DLG2: variants seen among roughly 807,000 people sequenced by gnomAD.
The protein encoded by DLG2 is disks large homolog 2.
A neutral mutation model predicts 132.5 loss-of-function variants in DLG2; 45 were observed. The ratio of observed to expected loss-of-function variants is 0.34; its 90% confidence interval spans 0.27 to 0.44. The LOEUF (loss-of-function observed/expected upper bound fraction) is 0.44, where lower values mean the gene tolerates loss of function less well. Among genes scored for constraint, DLG2 ranks in the 20% least tolerant of loss-of-function variants. DLG2 has a pLI of 1.00. For missense variants in DLG2, 1,045 were observed against 1,196.9 expected (o/e 0.87, Z 1.87); for synonymous variants, 424 against 419.6 (o/e 1.01, Z -0.13).
intron 14 of DLG2, among the ~76,000 whole-genome samples, chr11:83,952,811 A>C (rs906261160): frequency 6.6e-6 from 1 of 152,268 alleles, no homozygotes; most frequent in Middle Eastern, 3.4e-3. Context: ...TAGGAAAAAC[A>C]GTAATTTTAG....
intron 6 of DLG2, among the ~76,000 whole-genome samples, chr11:84,642,306 T>C (rs745479196): frequency 6.6e-6 from 1 of 151,844 alleles, no homozygotes; most frequent in Non-Finnish European, 1.5e-5. Context: ...ATACTTATAG[T>C]AAACTAAAGC....
At chr11:84,620,414 A>T (rs1005394298) in intron 6 of DLG2, among the ~76,000 whole-genome samples, 2 of 151,962 alleles carry the variant, frequency 1.3e-5, no homozygotes, top group African/African-American at 4.8e-5. Flanking sequence ...GTCAACTATA[A>T]AGAAAGAATA....
Position 83,724,476 on chromosome 11 carries a change from T to TGTGTGAGAGAGA in DLG2, c.1825+62213_1825+62214insTCTCTCTCACAC, listed in dbSNP as rs762050933. ...CTCTCTCCGTGTGTGTGTGTGTGTGTGAGAGAGAGAGAGAGAGAGAGAGAG... is the reference window on the plus strand; with the variant it reads ...CTCTCTCCGTGTGTGTGTGTGTGTGTGTGTGAGAGAGAGAGAGAGAGAGAGAGAGAGAGAGAG... On this transcript the variant is annotated intron_variant, in intron 18 of 27. Coordinates refer to ENST00000376104, the MANE Select transcript of DLG2 (RefSeq NM_001142699.3). Among the ~76,000 whole-genome samples, 297 of 118,188 alleles carry TGTGTGAGAGAGA rather than the reference T, an allele frequency of 2.5e-3. 2 individuals carry two copies. Among genetic ancestry groups the TGTGTGAGAGAGA allele is most frequent in the East Asian group, 7.3e-3 (27 of 3,704 alleles). The allele number at this position is 118,188 out of a possible 152,430, so 77.5% of individuals were successfully genotyped here. A position where few individuals can be genotyped will look rare whatever the true frequency, so the allele number is the denominator to read the frequency against.
intron 6 of DLG2, among the ~76,000 whole-genome samples, chr11:84,646,498 G>T (rs1270762419): frequency 6.6e-6 from 1 of 152,066 alleles, no homozygotes; most frequent in Non-Finnish European, 1.5e-5. Flanking sequence ...CAGGCAGGGG[G>T]CCAGCATAAC....
intron 6 of DLG2, among the ~76,000 whole-genome samples, chr11:84,873,602 T>C (rs2085848966): frequency 6.6e-6 from 1 of 152,214 alleles, no homozygotes; most frequent in Admixed American, 6.5e-5. Context: ...ATGCCAATTC[T>C]ACATGAGAGA....
chr11:83,776,316 T>A (rs1008304220), intron 18 of DLG2, among the ~76,000 whole-genome samples: 3 of 152,150 alleles, frequency 2.0e-5, no homozygotes, highest in African/African-American at 7.2e-5. Flanking sequence ...CACCCCTCTT[T>A]ATTTTTTATT....
At chr11:85,366,699 C>T (rs2084579882) in intron 3 of DLG2, among the ~76,000 whole-genome samples, 2 of 152,192 alleles carry the variant, frequency 1.3e-5, no homozygotes, top group East Asian at 3.9e-4. Context: ...AGGGAATTTG[C>T]TGGATAAGAG....
intron 11 of DLG2, among the ~76,000 whole-genome samples, chr11:84,049,813 T>C (rs960073607): frequency 6.6e-6 from 1 of 151,794 alleles, no homozygotes; most frequent in Non-Finnish European, 1.5e-5. Context: ...CAGAAGTTGT[T>C]AGAAATGAAA....
chr11:84,101,119 C>T (rs1712765402), intron 9 of DLG2, among the ~76,000 whole-genome samples: 1 of 152,082 alleles, frequency 6.6e-6, no homozygotes, highest in Admixed American at 6.6e-5. Flanking sequence ...AGACTAAGCC[C>T]TGGAGCTACA....
At chr11:83,779,082 T>C (rs1443115993) in intron 18 of DLG2, among the ~76,000 whole-genome samples, 1 of 152,272 alleles carries the variant, frequency 6.6e-6, no homozygotes, top group Non-Finnish European at 1.5e-5. Flanking sequence ...AATATTTCAG[T>C]ACAAATTAGA....
At chr11:84,442,597 T>A (rs909431597) in intron 7 of DLG2, among the ~76,000 whole-genome samples, 1 of 151,914 alleles carries the variant, frequency 6.6e-6, no homozygotes. Context: ...AGTTGATGGG[T>A]GCAGCAAACC....
chr11:83,874,465 G>T lies in DLG2; in HGVS notation c.1520C>A (p.Thr507Asn). The stretch of plus-strand genomic sequence containing the variant: ...TTGGAGAGTCATTGAAGGCTGACGA[G>T]TTGCGGTGCTATGTTGGGAATGACT... ...MTSHSQHSTA[T>N]RQPSMTLQRA... The change falls in exon 16 of 28, where the codon ACT becomes AAT. Residue 507 changes from threonine (T) to asparagine (N), a missense_variant. Thr to Asn is a moderately conservative substitution (Grantham distance 65). This residue lies in a region of DLG2 where 261 missense variants were observed against 256.1 expected (regional missense o/e 1.02). Coordinates refer to ENST00000376104, the MANE Select transcript of DLG2 (RefSeq NM_001142699.3). The T allele has an allele frequency of 6.2e-7, 1 of 1,602,064 alleles. No individual in the cohort carries two copies. Among genetic ancestry groups the T allele is most frequent in the African/African-American group, 1.3e-5 (1 of 74,826 alleles).
At chr11:83,797,219 AAAGAAGAAG>A (rs57382244) in intron 17 of DLG2, among the ~76,000 whole-genome samples, 4 of 151,314 alleles carry the variant, frequency 2.6e-5, no homozygotes, top group Non-Finnish European at 5.9e-5. Flanking sequence ...TGATGAAGGA[AAAGAAGAAG>A]AAGAAGAAGA....
intron 6 of DLG2, among the ~76,000 whole-genome samples, chr11:85,070,268 G>A (rs1429402050): frequency 6.6e-6 from 1 of 150,790 alleles, no homozygotes. Context: ...AAACCTGCAT[G>A]TTGTGCACAT....
At chr11:85,358,863 T>C (rs1038705817) in intron 3 of DLG2, among the ~76,000 whole-genome samples, 4 of 152,212 alleles carry the variant, frequency 2.6e-5, no homozygotes, top group African/African-American at 9.6e-5. Context: ...TCTTGTTGGC[T>C]TCCTCAGTTT....
chr11:83,906,298 CA>C lies in DLG2; in HGVS notation c.1496+24029del, dbSNP rs1399223511. ...ACACACACACACACACACACACACA[CA>C]CACACACACACACACACACACCTCG... is the stretch of plus-strand genomic sequence containing the variant. On this transcript the variant is annotated intron_variant, in intron 15 of 27. Transcript: ENST00000376104. 1.5e-3 allele frequency among the ~76,000 whole-genome samples: 218 copies of C among 140,728 alleles called. 4 individuals are homozygous for C. The highest frequency in any genetic ancestry group is 5.2e-3 in the South Asian group (22 of 4,262). 92.3% of individuals were successfully genotyped at this position (140,728 alleles called of 152,430 possible).
chr11:85,554,394 C>T (rs1466486099), intron 3 of DLG2, among the ~76,000 whole-genome samples: 12 of 151,774 alleles, frequency 7.9e-5, no homozygotes, highest in Non-Finnish European at 1.8e-4. Context: ...AACAGACAGG[C>T]TGGGCAAGTT....
rs1353688175 is a variant in DLG2 at position 83,471,676 on chromosome 11, T to C, written c.2396A>G (p.Asn799Ser). 6.2e-7 allele frequency: 1 copy of C among 1,613,138 alleles called. No individual in the cohort carries two copies. Among genetic ancestry groups the C allele is most frequent in the Non-Finnish European group, 8.5e-7 (1 of 1,179,460 alleles). Reference sequence around the variant, plus strand: ...AGGGAATTCAGATATCAAGTCGTCATTGATCCGATCCTTCATGGGCCCCAG... The same window carrying C: ...AGGGAATTCAGATATCAAGTCGTCACTGATCCGATCCTTCATGGGCCCCAG... ...IILGPMKDRI[N>S]DDLISEFPDK... The change falls in exon 24 of 28, where the codon AAT (asparagine) becomes AGT (serine). Residue 799 changes from asparagine to serine, a missense_variant. By Grantham distance (46) the Asn-to-Ser change is conservative (BLOSUM62 1). Coordinates refer to ENST00000376104, the MANE Select transcript of DLG2 (RefSeq NM_001142699.3).
chr11:83,920,808 C>G (rs2077735317), intron 15 of DLG2, among the ~76,000 whole-genome samples: 1 of 152,082 alleles, frequency 6.6e-6, no homozygotes, highest in Admixed American at 6.6e-5. Context: ...AAAATTCAAA[C>G]TCTAATATTT....
Sources: gnomAD v4.1 joint callset for allele counts (sites outside exome capture counted in the v4.1 genomes callset) on GRCh38, gnomAD v4.1.1 for gene constraint, gnomAD v4.1.1 regional missense constraint, MANE v1.5 for transcripts, NCBI Gene and HGNC (gene_info 2026-07-23, HGNC 2026-07-21) for gene names.